ZNF90: variants seen among roughly 807,000 people sequenced by gnomAD.
ZNF90 encodes the protein zinc finger protein 90, also known as zinc finger protein HTF9.
ZNF90 carries 11 observed loss-of-function variants against 12.0 expected under a neutral mutation model. The ratio of observed to expected loss-of-function variants is 0.92; its 90% CI spans 0.58 to 1.52. The LOEUF (loss-of-function observed/expected upper bound fraction) is 1.52. ZNF90 is among the 40% of genes most tolerant of loss of function. ZNF90 has a pLI of 0.00. For synonymous variants in ZNF90, 232 were observed against 240.1 expected, an observed-to-expected ratio of 0.97 and a Z score of 0.31; for missense variants, 765 against 711.5, an observed-to-expected ratio of 1.08 and a Z score of -0.86.
intron 1 of ZNF90, among the ~76,000 whole-genome samples, chr19:20,092,169 AGAGT>A (rs2088907888): frequency 6.6e-6 from 1 of 152,202 alleles, no homozygotes; most frequent in Non-Finnish European, 1.5e-5. Flanking sequence ...GACTCAACAA[AGAGT>A]GAGTATAGCA....
chr19:20,101,992 C>T (rs1449256501), intron 1 of ZNF90, among the ~76,000 whole-genome samples: 1 of 152,170 alleles, frequency 6.6e-6, no homozygotes, highest in Non-Finnish European at 1.5e-5. Flanking sequence ...TTCTCCATGT[C>T]ATAGCTTCTT....
chr19:20,106,354 C>A (rs1027239238), intron 3 of ZNF90, among the ~76,000 whole-genome samples: 1 of 152,004 alleles, frequency 6.6e-6, no homozygotes, highest in Non-Finnish European at 1.5e-5. Context: ...TTCACTAATT[C>A]TTCTGCCACA....
intron 3 of ZNF90, among the ~76,000 whole-genome samples, chr19:20,116,894 C>T (rs1291022931): frequency 6.0e-5 from 9 of 150,744 alleles, no homozygotes; most frequent in East Asian, 1.9e-4. Flanking sequence ...CTTCTTTAAG[C>T]GTTTTATGTC....
chr19:20,117,028 TGTGTGTGTGTGTGTGTGTGAGA>T (rs1156958792), intron 3 of ZNF90, among the ~76,000 whole-genome samples: 3 of 148,594 alleles, frequency 2.0e-5, no homozygotes, highest in African/African-American at 7.5e-5. Flanking sequence ...TGTGTGTGTG[TGTGTGTGTGTGTGTGTGTGAGA>T]GAGAGAGAGA....
At chr19:20,098,712 C>A (rs564045012) in intron 1 of ZNF90, among the ~76,000 whole-genome samples, 1 of 152,320 alleles carries the variant, frequency 6.6e-6, no homozygotes, top group South Asian at 2.1e-4. Context: ...AATTCTGTCA[C>A]AATCATCTAG....
At chr19:20,088,965 T>C (rs1266026304) in intron 1 of ZNF90, among the ~76,000 whole-genome samples, 1 of 152,060 alleles carries the variant, frequency 6.6e-6, no homozygotes, top group Non-Finnish European at 1.5e-5. Context: ...ATTTTGGGGG[T>C]AAGGAAGACT....
Position 20,105,226 on chromosome 19 carries a change from G to A in ZNF90, c.136G>A (p.Val46Ile). Residue 46 changes from valine to isoleucine, a missense_variant, in exon 3 of 4, where the codon GTT becomes ATT. Physicochemically the swap from Val to Ile is conservative, Grantham distance 29 (BLOSUM62 3). Transcript: ENST00000418063. ...NYRHLVFLGI[V>I]VTKPDLITCL... ...ATTTATTTTTAATAAAACAGGTATT[G>A]TTGTCACTAAGCCAGACCTGATCAC... 6.3e-7 allele frequency: 1 copy of A among 1,598,258 alleles called. No individual in the cohort carries two copies. Among genetic ancestry groups the A allele is most frequent in the East Asian group, 2.3e-5 (1 of 44,388 alleles).
At chr19:20,106,829 G>T (rs2122510982) in intron 3 of ZNF90, 5 of 451,192 alleles carry the variant, frequency 1.1e-5, no homozygotes, top group South Asian at 3.1e-5. Flanking sequence ...CCTCTGAATT[G>T]ATAGTGAAGA....
At chr19:20,078,447 G>T (rs1397795122) in intron 1 of ZNF90, among the ~76,000 whole-genome samples, 1 of 152,000 alleles carries the variant, frequency 6.6e-6, no homozygotes, top group African/African-American at 2.4e-5. Flanking sequence ...ATCCTGACTC[G>T]GGGTGCAGGT....
intron 1 of ZNF90, among the ~76,000 whole-genome samples, chr19:20,098,682 A>G (rs2088966804): frequency 6.6e-6 from 1 of 152,256 alleles, no homozygotes; most frequent in Non-Finnish European, 1.5e-5. Flanking sequence ...TCATTGGGCC[A>G]TGAGCCCAGG....
Position 20,118,475 on chromosome 19 carries a change from T to C in ZNF90, c.921T>C (p.His307=), listed in dbSNP as rs782331606. The change falls in exon 4 of 4, where the codon CAT becomes CAC. Residue 307 remains histidine (H), a synonymous_variant. Transcript: ENST00000418063. ...SSILYVHKIS[H]TEEKPYKCEE... is the part of the protein sequence containing the mutation. ...TCCTTTATGTACATAAGATAAGTCA[T>C]ACTGAAGAGAAACCCTACAAATGTG... is the stretch of plus-strand genomic sequence containing the variant. The C allele has an allele frequency of 4.3e-6, 7 of 1,613,646 alleles. No individual in the cohort carries two copies. Among genetic ancestry groups the C allele is most frequent in the Admixed American group, 1.7e-5 (1 of 59,920 alleles).
At chr19:20,103,246 C>T (rs1321818764) in intron 1 of ZNF90, among the ~76,000 whole-genome samples, 1 of 152,186 alleles carries the variant, frequency 6.6e-6, no homozygotes, top group East Asian at 1.9e-4. Flanking sequence ...ACATGATCTA[C>T]AGCTGTGAAG....
At chr19:20,106,451 C>A (rs921658169) in intron 3 of ZNF90, among the ~76,000 whole-genome samples, 2 of 151,650 alleles carry the variant, frequency 1.3e-5, no homozygotes, top group Non-Finnish European at 2.9e-5. Flanking sequence ...GAAGCAAATA[C>A]CTCTTCAGGT....
intron 1 of ZNF90, among the ~76,000 whole-genome samples, chr19:20,082,163 A>G (rs935038580): frequency 6.6e-6 from 1 of 151,806 alleles, no homozygotes; most frequent in Non-Finnish European, 1.5e-5. Flanking sequence ...TGCAGATTTT[A>G]TCACTGAGAT....
chr19:20,079,596 G>A (rs1340535026), intron 1 of ZNF90, among the ~76,000 whole-genome samples: 1 of 152,020 alleles, frequency 6.6e-6, no homozygotes, highest in Non-Finnish European at 1.5e-5. Context: ...GGTGGGAGGG[G>A]AATGGCAAAT....
chr19:20,089,045 C>A (rs1555702434), intron 1 of ZNF90, among the ~76,000 whole-genome samples: 1 of 152,018 alleles, frequency 6.6e-6, no homozygotes, highest in Admixed American at 6.6e-5. Flanking sequence ...GAAGAAGAGA[C>A]CTTGTGTGAG....
rs782534087 is a variant in ZNF90, at chr19:20,118,203, A to G, written c.649A>G (p.Thr217Ala). Residue 217 changes from threonine to alanine, a missense_variant, in exon 4 of 4, where the codon ACT (threonine) becomes GCT (alanine). Coordinates refer to ENST00000418063, the MANE Select transcript of ZNF90 (RefSeq NM_007138.2). ...AGCCTTCAACAGGTCCTCACACCTT[A>G]CTTCACATAAGAGAATTCATACTGG... ...GKAFNRSSHLTSHKRIHTGEK... is the reference protein window; with the variant it reads ...GKAFNRSSHLASHKRIHTGEK... 1 of 1,611,026 alleles carries G rather than the reference A, an allele frequency of 6.2e-7. No individual in the cohort carries two copies. The highest frequency in any genetic ancestry group is 2.2e-5 in the East Asian group (1 of 44,738).
At chr19:20,088,375 G>A (rs187763522) in intron 1 of ZNF90, among the ~76,000 whole-genome samples, 3 of 152,176 alleles carry the variant, frequency 2.0e-5, no homozygotes, top group Non-Finnish European at 4.4e-5. Context: ...TAGAAAGATT[G>A]GTGATGGCCT....
chr19:20,117,758 T>C (rs782381791), intron 3 of ZNF90, 23 bp from the exon 4 acceptor site: 1 of 1,474,216 alleles, frequency 6.8e-7, no homozygotes, highest in Non-Finnish European at 9.0e-7. Context: ...ATTGAAGTAA[T>C]GTGTTCTTAT....
Sources: gnomAD v4.1 joint callset for allele counts (sites outside exome capture counted in the v4.1 genomes callset) on GRCh38, gnomAD v4.1.1 for gene constraint, MANE v1.5 for transcripts, NCBI Gene and HGNC (gene_info 2026-07-23, HGNC 2026-07-21) for gene names.